TRIM2: variants seen among roughly 807,000 people sequenced by gnomAD.
TRIM2 encodes the protein tripartite motif-containing protein 2.
TRIM2 carries 20 observed loss-of-function variants against 75.2 expected under a neutral mutation model. That is an observed-to-expected ratio of 0.27 (90% CI 0.19 to 0.39). TRIM2 has a LOEUF of 0.39. Ranked by LOEUF, TRIM2 falls within the 10% of genes least tolerant of loss-of-function variation. The pLI is 1.00. For synonymous variants in TRIM2, 373 were observed against 388.3 expected (o/e 0.96, Z 0.46); for missense variants, 660 against 990.8 (o/e 0.67, Z 4.48).
At chr4:153,182,449 G>A (rs1732165180) in intron 1 of TRIM2, among the ~76,000 whole-genome samples, 1 of 152,120 alleles carries the variant, frequency 6.6e-6, no homozygotes, top group South Asian at 2.1e-4. Flanking sequence ...CCACTTCTCA[G>A]CTCTGTGACC....
intron 1 of TRIM2, among the ~76,000 whole-genome samples, chr4:153,237,038 G>T (rs1214832879): frequency 6.6e-6 from 1 of 152,136 alleles, no homozygotes; most frequent in African/African-American, 2.4e-5. Flanking sequence ...CAGTATCAAG[G>T]ACATTACATT....
intron 1 of TRIM2, among the ~76,000 whole-genome samples, chr4:153,164,067 A>C (rs1407785296): frequency 6.6e-6 from 1 of 152,218 alleles, no homozygotes; most frequent in African/African-American, 2.4e-5. Context: ...CTTCTCCCCG[A>C]AAAGAAGCAG....
chr4:153,335,076 G>T lies in TRIM2; in HGVS notation c.*110G>T. ...AGTTTTTATGCCAGAAGGAATCATT[G>T]GTGAACTTTCCAAGGTTATTTCTGA... is the stretch of plus-strand genomic sequence containing the variant. On this transcript the variant is annotated 3_prime_UTR_variant, in exon 12 of 12. Coordinates refer to ENST00000338700, the MANE Select transcript of TRIM2 (RefSeq NM_015271.5). 2 of 1,332,570 alleles carry T rather than the reference G, an allele frequency of 1.5e-6. No homozygotes were observed. The highest frequency in any genetic ancestry group is 2.5e-5 in the South Asian group (1 of 40,476). 82.5% of individuals were successfully genotyped at this position (1,332,570 alleles called of 1,614,324 possible). A position where few individuals can be genotyped will look rare whatever the true frequency, so the allele number is the denominator to read the frequency against.
At chr4:153,154,623 A>G (rs558878897) in intron 1 of TRIM2, among the ~76,000 whole-genome samples, 81 of 152,372 alleles carry the variant, frequency 5.3e-4, no homozygotes, top group Admixed American at 1.8e-3. Context: ...GAAAAGACAG[A>G]AAGACTACAA....
intron 6 of TRIM2, among the ~76,000 whole-genome samples, chr4:153,300,242 C>A (rs1383353636): frequency 1.3e-5 from 2 of 152,150 alleles, no homozygotes; most frequent in African/African-American, 2.4e-5. Context: ...TCTCTGCCAA[C>A]ACTTGATATC....
chr4:153,237,463 G>A (rs970466291), intron 1 of TRIM2, among the ~76,000 whole-genome samples: 3 of 152,004 alleles, frequency 2.0e-5, no homozygotes, highest in African/African-American at 7.2e-5. Context: ...GGCGGATCAC[G>A]AGGTCAGGAG....
intron 1 of TRIM2, among the ~76,000 whole-genome samples, chr4:153,154,838 G>A (rs1463108960): frequency 6.6e-6 from 1 of 152,128 alleles, no homozygotes; most frequent in Non-Finnish European, 1.5e-5. Flanking sequence ...GACATTTGGT[G>A]CTTAAATTTG....
chr4:153,213,671 G>A (rs995678000), intron 1 of TRIM2, among the ~76,000 whole-genome samples: 2 of 152,148 alleles, frequency 1.3e-5, no homozygotes. Context: ...GGGATTACAG[G>A]TGCATGCCAC....
At chr4:153,307,913 T>C in intron 6 of TRIM2, 2 of 752,502 alleles carry the variant, frequency 2.7e-6, no homozygotes, top group Non-Finnish European at 2.5e-6. Context: ...GGACCTTATC[T>C]TGAGTCCCCA....
At chr4:153,266,640 CTTT>C (rs35140648) in intron 1 of TRIM2, among the ~76,000 whole-genome samples, 1 of 131,276 alleles carries the variant, frequency 7.6e-6, no homozygotes, top group Non-Finnish European at 1.6e-5. Flanking sequence ...TGTGCCCGAC[CTTT>C]TTTTTTTTTT....
At chr4:153,190,734 CT>C (rs1733095832) in intron 1 of TRIM2, among the ~76,000 whole-genome samples, 1 of 151,974 alleles carries the variant, frequency 6.6e-6, no homozygotes, top group Non-Finnish European at 1.5e-5. Context: ...CTATTCTTTT[CT>C]TTTTTTATTT....
At chr4:153,162,528 A>G (rs1444034283) in intron 1 of TRIM2, among the ~76,000 whole-genome samples, 1 of 152,204 alleles carries the variant, frequency 6.6e-6, no homozygotes, top group Non-Finnish European at 1.5e-5. Flanking sequence ...CACCCACATT[A>G]TGGAGGGCAA....
At position 153,337,762 on chromosome 4, in the gene TRIM2, G is replaced by C; in HGVS notation, c.*2796G>C. 1.0e-6 allele frequency: 1 copy of C among 985,846 alleles called. No homozygotes were observed. Among genetic ancestry groups the C allele is most frequent in the Non-Finnish European group, 1.2e-6 (1 of 829,940 alleles). 61.1% of individuals were successfully genotyped at this position (985,846 alleles called of 1,614,324 possible). On this transcript the variant is annotated 3_prime_UTR_variant, in exon 12 of 12. Coordinates refer to ENST00000338700, the MANE Select transcript of TRIM2 (RefSeq NM_015271.5). ...TTATTGTTTGATTTCTCTTTGTCAA[G>C]TGTATAGAACCTGTCATACATTCAT...
intron 3 of TRIM2, among the ~76,000 whole-genome samples, chr4:153,286,825 T>C (rs1034089859): frequency 1.3e-5 from 2 of 151,666 alleles, no homozygotes; most frequent in Admixed American, 6.6e-5. Context: ...TTTTATCAAT[T>C]TTATAATATC....
chr4:153,223,924 A>G (rs1486059897), intron 1 of TRIM2, among the ~76,000 whole-genome samples: 3 of 152,168 alleles, frequency 2.0e-5, no homozygotes, highest in Non-Finnish European at 4.4e-5. Context: ...ATGCACATCT[A>G]TGCCTTTTTT....
At chr4:153,308,667 T>C in intron 6 of TRIM2, 1 of 580,752 alleles carries the variant, frequency 1.7e-6, no homozygotes, top group South Asian at 1.4e-5. Context: ...CAGCATCAAA[T>C]TTGGTGTAGG....
intron 1 of TRIM2, among the ~76,000 whole-genome samples, chr4:153,211,983 C>G (rs536193383): frequency 1.6e-4 from 24 of 152,288 alleles, no homozygotes; most frequent in African/African-American, 5.8e-4. Context: ...TATCCCTTCT[C>G]TATTCTCTTT....
chr4:153,209,556 C>A (rs771434881), intron 1 of TRIM2, among the ~76,000 whole-genome samples: 17 of 152,166 alleles, frequency 1.1e-4, no homozygotes, highest in Non-Finnish European at 2.4e-4. Context: ...CCACCTGTGC[C>A]TTCAAGTACC....
chr4:153,298,065 C>T (rs1763112235), intron 6 of TRIM2, among the ~76,000 whole-genome samples: 1 of 152,112 alleles, frequency 6.6e-6, no homozygotes, highest in Non-Finnish European at 1.5e-5. Context: ...TCTCCAGATC[C>T]CACCCCAGGG....
Sources: gnomAD v4.1 joint callset for allele counts (sites outside exome capture counted in the v4.1 genomes callset) on GRCh38, gnomAD v4.1.1 for gene constraint, MANE v1.5 for transcripts, NCBI Gene and HGNC (gene_info 2026-07-23, HGNC 2026-07-21) for gene names.